Variants in GRID2 observed in about 807,000 individuals in gnomAD.
GRID2 encodes glutamate receptor ionotropic, delta-2.
Under a neutral mutation model 114.8 loss-of-function variants are expected in GRID2, and 33 were observed. The ratio of observed to expected loss-of-function variants is 0.29; its 90% CI spans 0.22 to 0.38. The LOEUF (loss-of-function observed/expected upper bound fraction) is 0.38, where lower values mean the gene tolerates loss of function less well. Ranked by LOEUF, GRID2 falls within the 10% of genes least tolerant of loss-of-function variation. The pLI is 1.00. For synonymous variants in GRID2, 505 were observed against 449.9 expected (o/e 1.12, Z -1.55); for missense variants, 1,184 against 1,257.7 (o/e 0.94, Z 0.89).
chr4:93,226,925 C>T (rs1745548685), intron 7 of GRID2, among the ~76,000 whole-genome samples: 2 of 152,158 alleles, frequency 1.3e-5, no homozygotes, highest in Non-Finnish European at 2.9e-5. Flanking sequence ...TGCAGAATGA[C>T]AGCCCAAGCT....
In GRID2 at chr4:93,131,145, A is replaced by ATTTTTTTTTTTT. The variant is rs34215461; in HGVS notation, c.735+20205_735+20216dup. Among the ~76,000 whole-genome samples the ATTTTTTTTTTTT allele has an allele frequency of 5.2e-3, 464 of 88,724 alleles. 58 individuals are homozygous for ATTTTTTTTTTTT. Among genetic ancestry groups the ATTTTTTTTTTTT allele is most frequent in the African/African-American group, 0.021 (404 of 19,046 alleles). 58.2% of individuals were successfully genotyped at this position (88,724 alleles called of 152,430 possible). On this transcript the variant is annotated intron_variant, in intron 4 of 15. Transcript: ENST00000282020. ...AGAACTTCCATGAAAAGATTAAATAATTTTTTTTTTTTTTTTTTTTTTTTG... is the reference window on the plus strand; with the variant it reads ...AGAACTTCCATGAAAAGATTAAATAATTTTTTTTTTTTTTTTTTTTTTTTTTTTTTTTTTTTG...
At chr4:92,412,791 A>T (rs947216200) in intron 1 of GRID2, among the ~76,000 whole-genome samples, 2 of 152,200 alleles carry the variant, frequency 1.3e-5, no homozygotes, top group Non-Finnish European at 1.5e-5. Context: ...CTGGCATTTC[A>T]GACTTTTATC....
chr4:92,316,925 T>C (rs2110118885), intron 1 of GRID2, among the ~76,000 whole-genome samples: 1 of 152,306 alleles, frequency 6.6e-6, no homozygotes, highest in Non-Finnish European at 1.5e-5. Flanking sequence ...CAATTTCAGA[T>C]CTAAGGAAGA....
chr4:92,600,471 G>A (rs1729172309), intron 2 of GRID2, among the ~76,000 whole-genome samples: 1 of 152,086 alleles, frequency 6.6e-6, no homozygotes, highest in African/African-American at 2.4e-5. Context: ...AAGCTTTAGT[G>A]TTTAGAATTG....
chr4:92,787,551 A>G (rs1200763070), intron 2 of GRID2, among the ~76,000 whole-genome samples: 1 of 151,918 alleles, frequency 6.6e-6, no homozygotes, highest in African/African-American at 2.4e-5. Flanking sequence ...AAAACAGCAA[A>G]GACTGCAGCA....
rs1727609300 is a variant in GRID2 at position 92,571,343 on chromosome 4, T to C, written c.89-18788T>C. Among the ~76,000 whole-genome samples, 7 of 152,110 alleles carry C rather than the reference T, an allele frequency of 4.6e-5. No homozygotes were observed. The South Asian group carries it at 1.4e-3, about 32-fold the overall frequency. On this transcript the variant is annotated intron_variant, in intron 1 of 15. Transcript: ENST00000282020. ...AACAAGAAGAGCTAACTATCCTAAA[T>C]ATATATGCACCCAATACAGGAGCAC... is the stretch of plus-strand genomic sequence containing the variant.
chr4:93,487,100 A>G (rs1258579740), intron 11 of GRID2, among the ~76,000 whole-genome samples: 4 of 151,754 alleles, frequency 2.6e-5, no homozygotes, highest in Admixed American at 6.6e-5. Context: ...TTATTGGCAT[A>G]AATTTGTACA....
At chr4:92,729,712 G>C (rs1249277645) in intron 2 of GRID2, among the ~76,000 whole-genome samples, 1 of 151,986 alleles carries the variant, frequency 6.6e-6, no homozygotes, top group Non-Finnish European at 1.5e-5. Flanking sequence ...ATGTAAGCTA[G>C]TTTACCTGCT....
intron 13 of GRID2, among the ~76,000 whole-genome samples, chr4:93,608,118 A>G (rs891118453): frequency 3.6e-4 from 54 of 149,302 alleles, no homozygotes; most frequent in Middle Eastern, 3.5e-3. Flanking sequence ...ACACACACAT[A>G]TATGTGTATA....
intron 2 of GRID2, among the ~76,000 whole-genome samples, chr4:92,591,799 T>G (rs1728717404): frequency 6.6e-6 from 1 of 152,116 alleles, no homozygotes; most frequent in Admixed American, 6.6e-5. Context: ...ATCATTATTT[T>G]TTGAAATGAA....
Position 93,774,379 on chromosome 4 carries a change from C to G in GRID2, c.*1881C>G, listed in dbSNP as rs1734302047. 6.6e-6 allele frequency: 1 copy of G among 151,964 alleles called. No individual in the cohort carries two copies. Among genetic ancestry groups the G allele is most frequent in the Admixed American group, 6.6e-5 (1 of 15,254 alleles). The allele number at this position is 151,964 out of a possible 1,614,324, so 9.4% of individuals were successfully genotyped here. On this transcript the variant is annotated 3_prime_UTR_variant, in exon 16 of 16. Transcript: ENST00000282020. ...CTATATAGGGACATACCAGATGTTG[C>G]AGTGATTTTAGCTATCAACAAACTG...
chr4:93,614,126 C>G (rs1305729423), intron 13 of GRID2, among the ~76,000 whole-genome samples: 1 of 152,140 alleles, frequency 6.6e-6, no homozygotes, highest in Non-Finnish European at 1.5e-5. Flanking sequence ...ACTCCCTGAC[C>G]CCTTGCGCTT....
At chr4:93,140,583 T>C (rs527473248) in intron 4 of GRID2, among the ~76,000 whole-genome samples, 1 of 152,176 alleles carries the variant, frequency 6.6e-6, no homozygotes, top group African/African-American at 2.4e-5. Flanking sequence ...CCCTCTGACA[T>C]AGAAATTCTG....
chr4:92,320,386 C>T (rs1429420776), intron 1 of GRID2, among the ~76,000 whole-genome samples: 1 of 152,136 alleles, frequency 6.6e-6, no homozygotes, highest in Non-Finnish European at 1.5e-5. Context: ...TCAGAAAATA[C>T]TAATTCTACA....
intron 13 of GRID2, among the ~76,000 whole-genome samples, chr4:93,621,913 A>G (rs1328851242): frequency 1.3e-5 from 2 of 149,454 alleles, no homozygotes; most frequent in African/African-American, 2.4e-5. Context: ...TAATGTTACT[A>G]TACATTTAAG....
At chr4:93,046,931 A>G (rs1394608771) in intron 2 of GRID2, among the ~76,000 whole-genome samples, 4 of 151,914 alleles carry the variant, frequency 2.6e-5, no homozygotes, top group Non-Finnish European at 1.5e-5. Context: ...TCCTATCTCA[A>G]AGAAAAGGGG....
At chr4:92,629,906 A>G (rs1486648994) in intron 2 of GRID2, among the ~76,000 whole-genome samples, 1 of 147,706 alleles carries the variant, frequency 6.8e-6, no homozygotes, top group Non-Finnish European at 1.5e-5. Context: ...ACATATTTAT[A>G]AATTATATAA....
chr4:92,959,225 T>C (rs889077301), intron 2 of GRID2, among the ~76,000 whole-genome samples: 2 of 151,762 alleles, frequency 1.3e-5, no homozygotes, highest in African/African-American at 4.8e-5. Context: ...TATTATTACT[T>C]CCAGTTACTT....
chr4:92,888,005 A>G (rs529627562), intron 2 of GRID2, among the ~76,000 whole-genome samples: 1 of 152,330 alleles, frequency 6.6e-6, no homozygotes, highest in South Asian at 2.1e-4. Flanking sequence ...CCATTTATAT[A>G]TGTTAACTGA....
Sources: gnomAD v4.1 joint callset for allele counts (sites outside exome capture counted in the v4.1 genomes callset) on GRCh38, gnomAD v4.1.1 for gene constraint, MANE v1.5 for transcripts, NCBI Gene and HGNC (gene_info 2026-07-23, HGNC 2026-07-21) for gene names.